Variants in NRXN3 observed in about 807,000 individuals in gnomAD.
NRXN3 encodes the protein neurexin 3, also known as neurexin III.
A neutral mutation model predicts 137.6 loss-of-function variants in NRXN3; 32 were observed. The observed-to-expected ratio is 0.23, with a 90% confidence interval of 0.18 to 0.31. The LOEUF (loss-of-function observed/expected upper bound fraction) is 0.31. NRXN3 is among the 10% of genes least tolerant of loss of function. NRXN3 has a pLI of 1.00. For synonymous variants in NRXN3, 798 were observed against 784.5 expected (o/e 1.02, Z -0.29); for missense variants, 1,574 against 2,062.5 (o/e 0.76, Z 4.59).
At chr14:78,848,558 T>C (rs982695383) in intron 10 of NRXN3, among the ~76,000 whole-genome samples, 77 of 152,132 alleles carry the variant, frequency 5.1e-4, no homozygotes, top group African/African-American at 1.5e-3. Context: ...TTCCAGCTTG[T>C]ACATGAAGTT....
intron 3 of NRXN3, among the ~76,000 whole-genome samples, chr14:78,293,332 C>G (rs2075993027): frequency 1.3e-5 from 2 of 152,128 alleles, no homozygotes; most frequent in Non-Finnish European, 2.9e-5. Flanking sequence ...TGTCCTGACT[C>G]TCTCTCAGAC....
At chr14:79,010,794 T>C (rs1043504389) in intron 15 of NRXN3, among the ~76,000 whole-genome samples, 1 of 152,130 alleles carries the variant, frequency 6.6e-6, no homozygotes, top group Non-Finnish European at 1.5e-5. Context: ...GAAACTGGAA[T>C]GTAAGAATTG....
intron 10 of NRXN3, among the ~76,000 whole-genome samples, chr14:78,930,599 G>T: frequency 6.6e-6 from 1 of 152,156 alleles, no homozygotes; most frequent in Admixed American, 6.5e-5. Flanking sequence ...GCTAAGGCAG[G>T]GAAGAAAGAA....
intron 16 of NRXN3, among the ~76,000 whole-genome samples, chr14:79,629,265 C>G (rs1392540181): frequency 6.6e-6 from 1 of 151,810 alleles, no homozygotes; most frequent in Non-Finnish European, 1.5e-5. Flanking sequence ...ATATATAATT[C>G]CGAAATGAAA....
intron 16 of NRXN3, among the ~76,000 whole-genome samples, chr14:79,470,880 GAGAGAGAA>G (rs1188248503): frequency 6.6e-6 from 1 of 151,126 alleles, no homozygotes; most frequent in East Asian, 1.9e-4. Context: ...GTGTGAGAGA[GAGAGAGAA>G]AGAGAGAGAG....
intron 15 of NRXN3, among the ~76,000 whole-genome samples, chr14:79,055,746 A>G (rs1045559820): frequency 6.6e-6 from 1 of 152,170 alleles, no homozygotes; most frequent in Non-Finnish European, 1.5e-5. Context: ...CTGGATAAAT[A>G]AATTTTAAGT....
chr14:78,991,047 C>G (rs569755071), intron 15 of NRXN3, among the ~76,000 whole-genome samples: 1 of 152,164 alleles, frequency 6.6e-6, no homozygotes, highest in African/African-American at 2.4e-5. Flanking sequence ...TAGCCTGTAT[C>G]AGGACTCAAG....
chr14:79,617,853 G>A (rs1209779731), intron 16 of NRXN3, among the ~76,000 whole-genome samples: 1 of 144,720 alleles, frequency 6.9e-6, no homozygotes, highest in East Asian at 2.1e-4. Flanking sequence ...TAAAAACACT[G>A]ACTCCGTTAT....
intron 15 of NRXN3, among the ~76,000 whole-genome samples, chr14:79,324,819 A>C (rs1293939088): frequency 6.6e-6 from 1 of 152,184 alleles, no homozygotes; most frequent in Admixed American, 6.5e-5. Flanking sequence ...ATCAATGTAA[A>C]GTATGTGTGT....
chr14:78,878,912 T>C (rs1413311196), intron 10 of NRXN3, among the ~76,000 whole-genome samples: 1 of 152,108 alleles, frequency 6.6e-6, no homozygotes, highest in African/African-American at 2.4e-5. Context: ...GCTATGAGTT[T>C]GTTTTTTTTT....
intron 15 of NRXN3, among the ~76,000 whole-genome samples, chr14:79,417,495 C>G (rs2095513747): frequency 6.6e-6 from 1 of 152,062 alleles, no homozygotes; most frequent in Non-Finnish European, 1.5e-5. Context: ...ACTGCTGTAG[C>G]TGCCTCCTGA....
At chr14:78,571,667 C>T (rs529385913) in intron 4 of NRXN3, among the ~76,000 whole-genome samples, 45 of 152,184 alleles carry the variant, frequency 3.0e-4, no homozygotes, top group African/African-American at 1.1e-3. Context: ...TGGAGGTATG[C>T]AGGGAAAAAT....
chr14:78,241,637 T>C (rs905779091), intron 1 of NRXN3, among the ~76,000 whole-genome samples: 4 of 150,968 alleles, frequency 2.6e-5, no homozygotes, highest in Non-Finnish European at 5.9e-5. Flanking sequence ...AAAAAAAGGC[T>C]TATGCTAGGA....
At chr14:78,952,751 T>G (rs148923546) in intron 10 of NRXN3, among the ~76,000 whole-genome samples, 1 of 152,170 alleles carries the variant, frequency 6.6e-6, no homozygotes, top group Admixed American at 6.6e-5. Flanking sequence ...ATGTGAAACA[T>G]AGTTTGAAGG....
chr14:78,221,155 G>A (rs546458189), intron 1 of NRXN3, among the ~76,000 whole-genome samples: 4 of 152,122 alleles, frequency 2.6e-5, no homozygotes, highest in Non-Finnish European at 5.9e-5. Context: ...ATGAGGTAAT[G>A]ATTGACTATG....
rs148558716 is a variant in NRXN3 at position 79,455,774 on chromosome 14, G to T, written c.3263-11447G>T. The stretch of plus-strand genomic sequence containing the variant: ...AGTTTTTATTTCTGTTTTTTTAGAG[G>T]TTTATATATTTTCTTTGACATTTTA... On this transcript the variant is annotated intron_variant, in intron 15 of 20. Coordinates refer to ENST00000335750, the MANE Select transcript of NRXN3 (RefSeq NM_001330195.2). Among the ~76,000 whole-genome samples the T allele has an allele frequency of 4.8e-3, 721 of 151,268 alleles. 8 individuals are homozygous for T. Among genetic ancestry groups the T allele is most frequent in the African/African-American group, 0.017 (699 of 41,312 alleles).
intron 10 of NRXN3, among the ~76,000 whole-genome samples, chr14:78,824,840 T>C (rs145291767): frequency 1.5e-4 from 23 of 152,230 alleles, no homozygotes; most frequent in Non-Finnish European, 1.6e-4. Flanking sequence ...AAAGAAATGG[T>C]AAATGCTTGA....
At chr14:78,268,537 C>T (rs1047231259) in intron 2 of NRXN3, among the ~76,000 whole-genome samples, 2 of 152,132 alleles carry the variant, frequency 1.3e-5, no homozygotes, top group African/African-American at 4.8e-5. Flanking sequence ...TGAAATTTGT[C>T]CTGGTGTCCC....
chr14:79,703,877 A>C (rs552055819), intron 19 of NRXN3, among the ~76,000 whole-genome samples: 1 of 152,210 alleles, frequency 6.6e-6, no homozygotes, highest in South Asian at 2.1e-4. Context: ...TTTCAGTAAA[A>C]ATTTTCACAT....
Sources: allele counts gnomAD v4.1 joint callset (sites outside exome capture counted in the v4.1 genomes callset), GRCh38; gene constraint gnomAD v4.1.1; transcripts MANE v1.5; gene names NCBI Gene and HGNC (gene_info 2026-07-23, HGNC 2026-07-21).